The following VAX2 variants were observed in gnomAD, a reference collection of about 807,000 sequenced individuals.
VAX2 encodes ventral anterior homeobox 2.
Under a neutral mutation model 12.5 loss-of-function variants are expected in VAX2, and 8 were observed. The observed-to-expected ratio is 0.64, with a 90% CI of 0.37 to 1.15. The LOEUF (loss-of-function observed/expected upper bound fraction) is 1.15. Ranked by LOEUF, VAX2 falls within the 50% of genes most tolerant of loss-of-function variation. VAX2 has a pLI of 0.01. For synonymous variants in VAX2, 183 were observed against 187.6 expected (o/e 0.98, Z 0.20); for missense variants, 476 against 412.9 (o/e 1.15, Z -1.32).
At chr2:70,910,622 T>C (rs1679160755) in intron 1 of VAX2, among the ~76,000 whole-genome samples, 1 of 152,034 alleles carries the variant, frequency 6.6e-6, no homozygotes, top group Non-Finnish European at 1.5e-5. Context: ...ATGTAGTTAT[T>C]CTTCATTTTA....
At chr2:70,929,703 G>A (rs1307010258) in intron 2 of VAX2, among the ~76,000 whole-genome samples, 7 of 124,624 alleles carry the variant, frequency 5.6e-5, no homozygotes, top group African/African-American at 1.9e-4. Context: ...AAAAAACAAT[G>A]TATATAGCAA....
At chr2:70,912,137 G>A (rs1177034356) in intron 1 of VAX2, among the ~76,000 whole-genome samples, 2 of 152,044 alleles carry the variant, frequency 1.3e-5, no homozygotes, top group African/African-American at 4.8e-5. Context: ...ACATGAATTT[G>A]CTTCATAACT....
At chr2:70,901,969 CCG>C (rs1177099984) in intron 1 of VAX2, among the ~76,000 whole-genome samples, 4 of 152,264 alleles carry the variant, frequency 2.6e-5, no homozygotes, top group Non-Finnish European at 4.4e-5. Flanking sequence ...TTCACACGCG[CCG>C]CTCGGGAGAG....
At position 70,932,773 on chromosome 2, in the gene VAX2, G is replaced by T. The variant is rs889638318; in HGVS notation, c.442G>T (p.Val148Phe). ...CCCCCTCCCCCACCCCAAGGTGAAG[G>T]TCTGGTTCCAGAACCGCCGCACCAA... ...QLNLSETQVK[V>F]WFQNRRTKQK... is the part of the protein sequence containing the mutation. Residue 148 changes from valine to phenylalanine, a missense_variant, in exon 3 of 3, where the codon GTC becomes TTC. Transcript: ENST00000234392. The T allele has an allele frequency of 6.4e-7, 1 of 1,560,918 alleles. No individual in the cohort carries two copies. The highest frequency in any genetic ancestry group is 8.7e-7 in the Non-Finnish European group (1 of 1,151,560).
intron 1 of VAX2, among the ~76,000 whole-genome samples, chr2:70,906,208 A>G (rs1382636074): frequency 6.6e-6 from 1 of 152,192 alleles, no homozygotes; most frequent in East Asian, 1.9e-4. Flanking sequence ...AGGCTAGTTC[A>G]TTCCTCATAC....
At position 70,929,417 on chromosome 2, in the gene VAX2, G is replaced by A. The variant is rs144513873; in HGVS notation, c.436-3350G>A. 1.6e-4 allele frequency among the ~76,000 whole-genome samples: 24 copies of A among 152,330 alleles called. No individual in the cohort carries two copies. In the East Asian group the frequency reaches 4.6e-3, roughly 29 times the overall value. ...TAGGTATTTAGAAAAGGCCTGGAGC[G>A]GTGGCTCATGCCTGTAATCCCAGCA... On this transcript the variant is annotated intron_variant, in intron 2 of 2. Coordinates refer to ENST00000234392, the MANE Select transcript of VAX2 (RefSeq NM_012476.3).
intron 2 of VAX2, among the ~76,000 whole-genome samples, chr2:70,926,523 G>C (rs781987221): frequency 2.0e-5 from 3 of 152,122 alleles, no homozygotes; most frequent in South Asian, 2.1e-4. Flanking sequence ...TTTGGTGTTT[G>C]ATTAAAGCAG....
intron 1 of VAX2, among the ~76,000 whole-genome samples, chr2:70,907,453 T>C (rs1679086091): frequency 6.6e-6 from 1 of 152,246 alleles, no homozygotes; most frequent in African/African-American, 2.4e-5. Context: ...CCCCTGCCCC[T>C]GCCGGCTCAC....
At chr2:70,906,368 C>A (rs1553410583) in intron 1 of VAX2, among the ~76,000 whole-genome samples, 2 of 152,192 alleles carry the variant, frequency 1.3e-5, no homozygotes, top group Non-Finnish European at 2.9e-5. Context: ...AGGGTGAATG[C>A]ACCCGGAAAG....
chr2:70,918,639 G>A (rs1679362820), intron 1 of VAX2, among the ~76,000 whole-genome samples: 1 of 152,190 alleles, frequency 6.6e-6, no homozygotes, highest in Non-Finnish European at 1.5e-5. Context: ...GCTCACGCCT[G>A]TAATCCCAGC....
At chr2:70,920,313 C>T (rs1464904812) in intron 1 of VAX2, among the ~76,000 whole-genome samples, 2 of 152,152 alleles carry the variant, frequency 1.3e-5, no homozygotes, top group Admixed American at 1.3e-4. Flanking sequence ...TTAAATGTTA[C>T]TAAGTTCTTT....
chr2:70,903,638 G>A (rs1678983678), intron 1 of VAX2, among the ~76,000 whole-genome samples: 2 of 152,224 alleles, frequency 1.3e-5, no homozygotes, highest in African/African-American at 2.4e-5. Context: ...CAGAGGTGAT[G>A]TCTATAAAAT....
intron 1 of VAX2, among the ~76,000 whole-genome samples, chr2:70,919,227 C>A (rs1298746667): frequency 1.5e-5 from 2 of 135,422 alleles, no homozygotes; most frequent in Non-Finnish European, 3.2e-5. Context: ...GAGTGTGTCT[C>A]CACAAAAAAA....
In VAX2 at chr2:70,900,613, G is replaced by A; in HGVS notation, c.-9G>A. The A allele has an allele frequency of 2.4e-6, 3 of 1,259,456 alleles. No homozygotes were observed. The highest frequency in any genetic ancestry group is 6.3e-5 in the East Asian group (2 of 31,686). The allele number at this position is 1,259,456 out of a possible 1,614,324, so 78.0% of individuals were successfully genotyped here. On this transcript the variant is annotated 5_prime_UTR_variant, in exon 1 of 3. Coordinates refer to ENST00000234392, the MANE Select transcript of VAX2 (RefSeq NM_012476.3). ...CTCCGCCGTAGAGGGGTTGGCAGTG[G>A]CGGTCAGCATGGGCGATGGGGGCGC...
chr2:70,923,747 C>T (rs1449850337), intron 2 of VAX2, among the ~76,000 whole-genome samples: 2 of 152,136 alleles, frequency 1.3e-5, no homozygotes, highest in South Asian at 2.1e-4. Context: ...GGGGGAGGTG[C>T]GTGGAGCTCC....
intron 2 of VAX2, among the ~76,000 whole-genome samples, chr2:70,926,074 A>C (rs1383302295): frequency 6.6e-6 from 1 of 151,604 alleles, no homozygotes; most frequent in African/African-American, 2.4e-5. Flanking sequence ...CTCTTCTTTA[A>C]TCTAGCATGC....
At chr2:70,910,687 A>G (rs961951892) in intron 1 of VAX2, among the ~76,000 whole-genome samples, 3 of 151,882 alleles carry the variant, frequency 2.0e-5, no homozygotes, top group Admixed American at 2.0e-4. Flanking sequence ...TCGGATCACT[A>G]ATTGTTTTCT....
At chr2:70,905,240 A>G (rs1679025511) in intron 1 of VAX2, among the ~76,000 whole-genome samples, 1 of 152,192 alleles carries the variant, frequency 6.6e-6, no homozygotes, top group Non-Finnish European at 1.5e-5. Context: ...GCAGACGTGG[A>G]AAGGTGTAAA....
chr2:70,922,779 G>A (rs1025191163), intron 2 of VAX2, among the ~76,000 whole-genome samples: 11 of 152,080 alleles, frequency 7.2e-5, no homozygotes, highest in Non-Finnish European at 1.3e-4. Context: ...ACAACCCTGC[G>A]GGGCCTCCCT....
Sources: gnomAD v4.1 joint callset for allele counts (sites outside exome capture counted in the v4.1 genomes callset) on GRCh38, gnomAD v4.1.1 for gene constraint, MANE v1.5 for transcripts, NCBI Gene and HGNC (gene_info 2026-07-23, HGNC 2026-07-21) for gene names.